The following TTC27 variants were observed in gnomAD, a reference collection of about 807,000 sequenced individuals.
TTC27 encodes tetratricopeptide repeat domain 27.
A neutral mutation model predicts 115.9 loss-of-function variants in TTC27; 79 were observed. The ratio of observed to expected loss-of-function variants is 0.68; its 90% CI spans 0.57 to 0.82. The LOEUF is 0.82. Among genes scored for constraint, TTC27 ranks in the 40% least tolerant of loss-of-function variants. The pLI is 0.00. For missense variants in TTC27, 1,054 were observed against 993.1 expected (o/e 1.06, Z -0.82); for synonymous variants, 401 against 356.0 (o/e 1.13, Z -1.42).
At chr2:32,781,334 A>C (rs1247444439) in intron 14 of TTC27, among the ~76,000 whole-genome samples, 1 of 152,126 alleles carries the variant, frequency 6.6e-6, no homozygotes, top group Non-Finnish European at 1.5e-5. Context: ...TGCTTATTTC[A>C]ACGTCTCTTT....
chr2:32,641,517 T>C (rs1052067650), intron 4 of TTC27, among the ~76,000 whole-genome samples: 5 of 152,260 alleles, frequency 3.3e-5, no homozygotes, highest in Non-Finnish European at 7.3e-5. Context: ...CGGAAACCAG[T>C]AGTGGGCTGG....
At chr2:32,631,210 G>A (rs1490226149) in intron 2 of TTC27, among the ~76,000 whole-genome samples, 3 of 152,098 alleles carry the variant, frequency 2.0e-5, no homozygotes, top group Non-Finnish European at 2.9e-5. Context: ...GGCTGAGGCC[G>A]AAGAATCGCT....
chr2:32,709,338 G>A (rs1667496668), intron 10 of TTC27, among the ~76,000 whole-genome samples: 1 of 152,164 alleles, frequency 6.6e-6, no homozygotes, highest in Non-Finnish European at 1.5e-5. Context: ...ATAACCTTGT[G>A]ATTATGGTTA....
intron 15 of TTC27, among the ~76,000 whole-genome samples, chr2:32,784,803 C>T (rs952208122): frequency 8.5e-5 from 13 of 152,088 alleles, no homozygotes; most frequent in Non-Finnish European, 4.4e-5. Context: ...GTTGAGTTCA[C>T]CCCCAACCCC....
chr2:32,764,403 C>A (rs562124891), intron 13 of TTC27, among the ~76,000 whole-genome samples: 1 of 151,596 alleles, frequency 6.6e-6, no homozygotes, highest in Non-Finnish European at 1.5e-5. Context: ...TAAAAAAAAA[C>A]AAACAAAAAT....
intron 10 of TTC27, among the ~76,000 whole-genome samples, chr2:32,724,505 A>T (rs1160339651): frequency 6.6e-6 from 1 of 151,874 alleles, no homozygotes; most frequent in Non-Finnish European, 1.5e-5. Context: ...TTTTTAAGAC[A>T]GTTGTGTTTA....
chr2:32,703,893 A>T (rs1667274834), intron 10 of TTC27, among the ~76,000 whole-genome samples: 1 of 152,230 alleles, frequency 6.6e-6, no homozygotes, highest in Non-Finnish European at 1.5e-5. Context: ...TCATAGTTGT[A>T]AAGGCTGGAA....
intron 9 of TTC27, among the ~76,000 whole-genome samples, chr2:32,698,542 C>T (rs1053695211): frequency 6.7e-6 from 1 of 148,244 alleles, no homozygotes; most frequent in South Asian, 2.2e-4. Context: ...TGCAGTGGCG[C>T]GATCTCAGCT....
intron 17 of TTC27, among the ~76,000 whole-genome samples, chr2:32,812,184 T>G (rs1671338475): frequency 6.6e-6 from 1 of 152,244 alleles, no homozygotes; most frequent in Non-Finnish European, 1.5e-5. Context: ...TGCCTCATTC[T>G]CTAAACAGGT....
chr2:32,812,886 T>C (rs1047097325), intron 18 of TTC27, among the ~76,000 whole-genome samples: 4 of 152,244 alleles, frequency 2.6e-5, no homozygotes, highest in African/African-American at 7.2e-5. Flanking sequence ...GAAACATCTT[T>C]ACAACTTTGT....
intron 3 of TTC27, among the ~76,000 whole-genome samples, chr2:32,639,361 C>T (rs1400700447): frequency 6.6e-6 from 1 of 152,096 alleles, no homozygotes; most frequent in African/African-American, 2.4e-5. Flanking sequence ...GTAAAAAAAT[C>T]TCTGTACAAC....
chr2:32,695,487 G>A (rs561720332), intron 9 of TTC27, among the ~76,000 whole-genome samples: 5 of 151,864 alleles, frequency 3.3e-5, no homozygotes, highest in African/African-American at 1.2e-4. Flanking sequence ...TTGGGAGACC[G>A]AGGCGGGCAG....
intron 19 of TTC27, among the ~76,000 whole-genome samples, 160 bp from the exon 20 acceptor site, chr2:32,820,656 T>C (rs1403523985): frequency 6.6e-6 from 1 of 152,256 alleles, no homozygotes; most frequent in Non-Finnish European, 1.5e-5. Context: ...TTTTAGCTTG[T>C]ACATTTCTTG....
At chr2:32,764,805 G>A (rs558026868) in intron 13 of TTC27, among the ~76,000 whole-genome samples, 65 of 152,220 alleles carry the variant, frequency 4.3e-4, no homozygotes, top group African/African-American at 1.5e-3. Flanking sequence ...ACATCTTCAC[G>A]AGGAACAAAT....
At chr2:32,645,807 C>A (rs779906006) in intron 4 of TTC27, among the ~76,000 whole-genome samples, 116 of 151,790 alleles carry the variant, frequency 7.6e-4, no homozygotes, top group Non-Finnish European at 1.4e-3. Flanking sequence ...ACCTCCGCCT[C>A]CCGGGTTCAA....
chr2:32,783,871 T>C (rs554397159), intron 15 of TTC27, among the ~76,000 whole-genome samples: 3 of 152,316 alleles, frequency 2.0e-5, no homozygotes, highest in East Asian at 3.9e-4. Context: ...TTATTTGGCC[T>C]TACTTTCAAA....
At chr2:32,713,708 T>C (rs1667660499) in intron 10 of TTC27, among the ~76,000 whole-genome samples, 1 of 152,218 alleles carries the variant, frequency 6.6e-6, no homozygotes, top group South Asian at 2.1e-4. Flanking sequence ...TTCTTAACTG[T>C]GTTAATTAAG....
chr2:32,664,277 T>C, intron 5 of TTC27, 26 bp from the exon 6 acceptor site: 1 of 1,572,346 alleles, frequency 6.4e-7, no homozygotes, highest in Non-Finnish European at 8.6e-7. Context: ...ATCATAACTT[T>C]TAATGTTTTA....
At chr2:32,645,146 T>A (rs1036392968) in intron 4 of TTC27, among the ~76,000 whole-genome samples, 1 of 151,968 alleles carries the variant, frequency 6.6e-6, no homozygotes, top group African/African-American at 2.4e-5. Context: ...ATCAAGTTAT[T>A]TATGATGATA....
Sources: allele counts gnomAD v4.1 joint callset (sites outside exome capture counted in the v4.1 genomes callset), GRCh38; gene constraint gnomAD v4.1.1; transcripts MANE v1.5; gene names NCBI Gene and HGNC (gene_info 2026-07-23, HGNC 2026-07-21).